The following RUNX3 variants were observed in gnomAD, a reference collection of about 807,000 sequenced individuals.
The protein encoded by RUNX3 is RUNX family transcription factor 3, also known as runt-related transcription factor 3.
A neutral mutation model predicts 27.7 loss-of-function variants in RUNX3; 10 were observed. The observed-to-expected ratio is 0.36, with a 90% CI of 0.22 to 0.61. The LOEUF is 0.61. RUNX3 is among the 20% of genes least tolerant of loss of function. The pLI is 0.72. For synonymous variants in RUNX3, 270 were observed against 269.2 expected (o/e 1.00, Z -0.03); for missense variants, 469 against 629.5 (o/e 0.75, Z 2.73).
intron 3 of RUNX3, among the ~76,000 whole-genome samples, chr1:24,918,159 C>T (rs2124278969): frequency 6.6e-6 from 1 of 152,244 alleles, no homozygotes; most frequent in South Asian, 2.1e-4. Context: ...CTGGGATGGG[C>T]CCAGGAATTG....
At chr1:24,961,324 G>C (rs1642106357) in intron 2 of RUNX3, 1 of 152,222 alleles carries the variant, frequency 6.6e-6, no homozygotes, top group South Asian at 2.1e-4. Context: ...TTCATTCTCA[G>C]CCTGTTTTTG....
intron 4 of RUNX3, among the ~76,000 whole-genome samples, chr1:24,906,967 G>A (rs1640676150): frequency 1.3e-5 from 2 of 152,188 alleles, no homozygotes; most frequent in African/African-American, 4.8e-5. Context: ...GCACTATGGG[G>A]TTAACCCCAT....
chr1:24,949,301 G>T (rs1325399634), intron 2 of RUNX3, among the ~76,000 whole-genome samples: 1 of 152,112 alleles, frequency 6.6e-6, no homozygotes, highest in African/African-American at 2.4e-5. Context: ...GCCAAGATTT[G>T]AATCCAAGTC....
At chr1:24,947,910 G>A (rs972367789) in intron 2 of RUNX3, among the ~76,000 whole-genome samples, 3 of 152,234 alleles carry the variant, frequency 2.0e-5, no homozygotes, top group African/African-American at 7.2e-5. Context: ...TCCACCAGGT[G>A]AGGCTGCCTC....
upstream of RUNX3, among the ~76,000 whole-genome samples, chr1:24,932,909 G>C (rs1008053063): frequency 2.6e-5 from 4 of 152,230 alleles, no homozygotes; most frequent in Admixed American, 2.6e-4. Flanking sequence ...GCAGGGCTAG[G>C]AAGCAGAAGG....
intron 2 of RUNX3, chr1:24,961,880 G>C (rs1186355232): frequency 6.6e-6 from 1 of 152,220 alleles, no homozygotes; most frequent in Non-Finnish European, 1.5e-5. Context: ...GGGGCACAGG[G>C]AGACCCTTCC....
chr1:24,927,721 A>G lies in RUNX3; in HGVS notation c.292T>C (p.Leu98=), dbSNP rs200871267. ...TLPVAFKVVA[L]GDVPDGTVVT... ...ACCGTACCATCCGGCACGTCCCCCA[A>G]TGCCACCACCTGAAGACACGGGGCG... The change falls in exon 2 of 5, where the codon TTG becomes CTG. Residue 98 remains leucine (L), a synonymous_variant. Coordinates refer to ENST00000308873, the MANE Select transcript of RUNX3 (RefSeq NM_004350.3). The surrounding 1 kb of genome is among the most constrained non-coding windows in gnomAD (Gnocchi z 5.0). The G allele has an allele frequency of 5.6e-5, 90 of 1,612,628 alleles. No individual in the cohort carries two copies. The highest frequency in any genetic ancestry group is 2.3e-4 in the Admixed American group (14 of 59,970).
chr1:24,914,301 C>A (rs1429147768), intron 3 of RUNX3, among the ~76,000 whole-genome samples: 1 of 152,238 alleles, frequency 6.6e-6, no homozygotes, highest in African/African-American at 2.4e-5. Flanking sequence ...CACTCGGCAG[C>A]CTTCTTGGCC....
Position 24,917,526 on chromosome 1 carries a change from A to G in RUNX3, c.544+1714T>C, listed in dbSNP as rs78769143. ...TCTCCAGGTCCGCAGGGTGGGTGGC[A>G]TCATCACACTTCATGGAGGAGGGAG... On this transcript the variant is annotated intron_variant, in intron 3 of 4. Coordinates refer to ENST00000308873, the MANE Select transcript of RUNX3 (RefSeq NM_004350.3). Among the ~76,000 whole-genome samples, 18 of 152,250 alleles carry G rather than the reference A, an allele frequency of 1.2e-4. No individual in the cohort carries two copies. In the East Asian group the frequency reaches 3.5e-3, roughly 29 times the overall value.
intron 2 of RUNX3, among the ~76,000 whole-genome samples, chr1:24,937,015 A>G (rs1236807765): frequency 1.3e-5 from 2 of 152,236 alleles, no homozygotes; most frequent in Non-Finnish European, 2.9e-5. Context: ...TGAGATACAA[A>G]TGGGCATACG....
intron 3 of RUNX3, among the ~76,000 whole-genome samples, chr1:24,915,233 G>A (rs1640866662): frequency 2.0e-5 from 3 of 152,176 alleles, no homozygotes; most frequent in African/African-American, 7.2e-5. Flanking sequence ...AGACTAGCCT[G>A]GCCAACATGG....
chr1:24,920,114 C>T (rs1266084635), intron 2 of RUNX3, among the ~76,000 whole-genome samples: 1 of 152,088 alleles, frequency 6.6e-6, no homozygotes, highest in Non-Finnish European at 1.5e-5. Context: ...CTTCTGTAGA[C>T]ACAACTGTTA....
rs911804830 is a variant in RUNX3 at position 24,902,963 on chromosome 1, A to T, written c.704-297T>A. ...TTCTTCTTTTTAAATCCTCCTTCCC[A>T]GCCTCGCAGAGGAGAGGCCTAGGAT... On this transcript the variant is annotated intron_variant, in intron 4 of 4. Transcript: ENST00000308873. The surrounding 1 kb of genome is among the most constrained non-coding windows in gnomAD (Gnocchi z 9.2). Among the ~76,000 whole-genome samples, 6 of 152,154 alleles carry T rather than the reference A, an allele frequency of 3.9e-5. No individual in the cohort carries two copies. Among genetic ancestry groups the T allele is most frequent in the Non-Finnish European group, 1.5e-5 (1 of 68,008 alleles).
intron 3 of RUNX3, among the ~76,000 whole-genome samples, chr1:24,908,289 GTGGTGATCCAAACCTCTACGACACA>G (rs1165409520): frequency 1.2e-3 from 181 of 149,132 alleles, no homozygotes; most frequent in African/African-American, 3.0e-3. Flanking sequence ...TCTACGACAT[GTGGTGATCCAAACCTCTACGACACA>G]CGGTGATCCA....
In RUNX3 at chr1:24,929,626, C is replaced by T; in HGVS notation, c.243G>A (p.Ser81=). Reference sequence around the variant, plus strand: ...GCAGCGTCTTGTTGCAGCGCCAGTGCGAGGGCAGCACGGAGCAGAGGAAGT... The same window carrying T: ...GCAGCGTCTTGTTGCAGCGCCAGTGTGAGGGCAGCACGGAGCAGAGGAAGT... ...SPNFLCSVLP[S]HWRCNKTLPV... Residue 81 remains serine (S), a synonymous_variant, in exon 1 of 5, where the codon TCG becomes TCA. Transcript: ENST00000308873. 6.2e-7 allele frequency: 1 copy of T among 1,608,934 alleles called. No individual in the cohort carries two copies. The highest frequency in any genetic ancestry group is 8.5e-7 in the Non-Finnish European group (1 of 1,179,128).
rs1022550101 is a variant in RUNX3 at position 24,943,407 on chromosome 1, C to T, written c.59-13555G>A. 2.0e-5 allele frequency among the ~76,000 whole-genome samples: 3 copies of T among 152,190 alleles called. No homozygotes were observed. Among genetic ancestry groups the T allele is most frequent in the South Asian group, 2.1e-4 (1 of 4,828 alleles). ...GTAGCTCCCACTGATGGTGTGCTCACGGTGCCAGGCACGGTTCTGAGAACT... is the reference window on the plus strand; with the variant it reads ...GTAGCTCCCACTGATGGTGTGCTCATGGTGCCAGGCACGGTTCTGAGAACT... On this transcript the variant is annotated intron_variant, in intron 2 of 6. Coordinates refer to the RUNX3 transcript ENST00000338888. This position sits in a 1 kb window ranked among gnomAD's most constrained non-coding sequence, Gnocchi z 4.6.
rs1342455461 is a variant in RUNX3, at chr1:24,923,726, G to A, written c.439+3848C>T. Among the ~76,000 whole-genome samples, 5 of 152,242 alleles carry A rather than the reference G, an allele frequency of 3.3e-5. No homozygotes were observed. Among genetic ancestry groups the A allele is most frequent in the South Asian group, 2.1e-4 (1 of 4,816 alleles). ...ACGTGTCTCAGTCTCAGGGGACCTCGGGGTTTTCTCAGCTTCAGCCAAGAA... is the reference window on the plus strand; with the variant it reads ...ACGTGTCTCAGTCTCAGGGGACCTCAGGGTTTTCTCAGCTTCAGCCAAGAA... On this transcript the variant is annotated intron_variant, in intron 2 of 4. Coordinates refer to ENST00000308873, the MANE Select transcript of RUNX3 (RefSeq NM_004350.3). The surrounding 1 kb of genome is among the most constrained non-coding windows in gnomAD (Gnocchi z 5.9).
chr1:24,923,464 A>G lies in RUNX3; in HGVS notation c.439+4110T>C, dbSNP rs1641038918. On this transcript the variant is annotated intron_variant, in intron 2 of 4. Coordinates refer to ENST00000308873, the MANE Select transcript of RUNX3 (RefSeq NM_004350.3). This position sits in a 1 kb window ranked among gnomAD's most constrained non-coding sequence, Gnocchi z 5.9. ...GTCCCAGGCAAACCTGCAATCCATCAGGAGCCCAGGAAGTGTAAACCCAGG... is the reference window on the plus strand; with the variant it reads ...GTCCCAGGCAAACCTGCAATCCATCGGGAGCCCAGGAAGTGTAAACCCAGG... Among the ~76,000 whole-genome samples the G allele has an allele frequency of 6.6e-6, 1 of 152,160 alleles. No individual in the cohort carries two copies. Among genetic ancestry groups the G allele is most frequent in the Admixed American group, 6.5e-5 (1 of 15,286 alleles).
intron 2 of RUNX3, among the ~76,000 whole-genome samples, chr1:24,948,403 CCT>C (rs1269594531): frequency 6.6e-6 from 1 of 152,112 alleles, no homozygotes; most frequent in Non-Finnish European, 1.5e-5. Flanking sequence ...AGGCGGGAGG[CCT>C]AACATGGTGG....
Sources: gnomAD v4.1 joint callset for allele counts (sites outside exome capture counted in the v4.1 genomes callset) on GRCh38, gnomAD v4.1.1 for gene constraint, Gnocchi (gnomAD v3.1) non-coding constraint, MANE v1.5 for transcripts, NCBI Gene and HGNC (gene_info 2026-07-23, HGNC 2026-07-21) for gene names.